DMD: variants seen among roughly 807,000 people sequenced by gnomAD.
DMD encodes the protein mutant dystrophin.
A neutral mutation model predicts 330.1 loss-of-function variants in DMD; 63 were observed. The ratio of observed to expected loss-of-function variants is 0.19; its 90% CI spans 0.16 to 0.24. DMD has a LOEUF of 0.24. Among genes scored for constraint, DMD ranks in the 10% least tolerant of loss-of-function variants. DMD has a pLI of 1.00. For synonymous variants in DMD, 1,223 were observed against 959.8 expected, an observed-to-expected ratio of 1.27 and a Z score of -5.07; for missense variants, 3,344 against 2,684.1, an observed-to-expected ratio of 1.25 and a Z score of -5.43.
chrX:33,275,831 T>G (rs1194814736), intron 1 of DMD, among the ~76,000 whole-genome samples: 3 of 111,926 alleles, frequency 2.7e-5, no homozygotes, highest in Non-Finnish European at 5.6e-5. Context: ...TGGGAAAGCA[T>G]ATGACATGTA....
chrX:33,008,233 C>A, intron 2 of DMD, among the ~76,000 whole-genome samples: 1 of 111,457 alleles, frequency 9.0e-6, no homozygotes, highest in Middle Eastern at 4.6e-3. Flanking sequence ...CTTTTAAAAA[C>A]CATACTCTGC....
In DMD at chrX:32,476,470, G is replaced by A. The variant is rs772343912; in HGVS notation, c.2804-4161C>T. On this transcript the variant is annotated intron_variant, in intron 21 of 78. Transcript: ENST00000357033. ...CTTCCAAAGATTGGTTTGGGAACTTGTCCATCTAATATAGTTTGTGAGGCA... is the reference window on the plus strand; with the variant it reads ...CTTCCAAAGATTGGTTTGGGAACTTATCCATCTAATATAGTTTGTGAGGCA... Among the ~76,000 whole-genome samples the A allele has an allele frequency of 1.1e-4, 12 of 111,007 alleles. No individual in the cohort carries two copies. In the South Asian group the frequency reaches 4.5e-3, roughly 41 times the overall value.
In DMD at chrX:33,242,969, T is replaced by C. The variant is rs909749730; in HGVS notation, c.7+96290A>G. 3.6e-5 allele frequency among the ~76,000 whole-genome samples: 4 copies of C among 111,806 alleles called. No individual in the cohort carries two copies. The Admixed American group carries it at 3.8e-4, about 11-fold the overall frequency. On this transcript the variant is annotated intron_variant, in intron 1 of 17. Transcript: ENST00000288447. The stretch of plus-strand genomic sequence containing the variant: ...GTTTGTTTCCTTCTTACTGATTTGT[T>C]TGTGTTCATTGTAGATTCTGGATAT...
intron 9 of DMD, among the ~76,000 whole-genome samples, chrX:32,665,822 G>A (rs1486538680): frequency 8.9e-6 from 1 of 111,788 alleles, no homozygotes; most frequent in Non-Finnish European, 1.9e-5. Context: ...TTTCATCAAC[G>A]TGTTTTCCCG....
rs1391098575 is a variant in DMD at position 31,366,490 on chromosome X, A to T, written c.9085-17856T>A. 1.5e-4 allele frequency among the ~76,000 whole-genome samples: 15 copies of T among 99,842 alleles called. No homozygotes were observed. The Admixed American group carries it at 1.5e-3, about 10-fold the overall frequency. The allele number at this position is 99,842 out of a possible 115,157, so 86.7% of individuals were successfully genotyped here. A position where few individuals can be genotyped will look rare whatever the true frequency, so the allele number is the denominator to read the frequency against. On this transcript the variant is annotated intron_variant, in intron 60 of 78. Transcript: ENST00000357033. ...TCTCTCAAAAAAAAAAAAAAAAAAAAAAAAAACATAAAAAAAAAAATAAAT... is the reference window on the plus strand; with the variant it reads ...TCTCTCAAAAAAAAAAAAAAAAAAATAAAAAACATAAAAAAAAAAATAAAT...
At chrX:31,267,610 TCTA>T (rs1184047172) in intron 62 of DMD, among the ~76,000 whole-genome samples, 1 of 112,809 alleles carries the variant, frequency 8.9e-6, no homozygotes, top group Non-Finnish European at 1.9e-5. Flanking sequence ...GTATGGACTC[TCTA>T]AATTAAGACA....
intron 57 of DMD, among the ~76,000 whole-genome samples, chrX:31,491,793 A>G (rs956278254): frequency 6.3e-4 from 71 of 112,133 alleles, no homozygotes; most frequent in African/African-American, 2.0e-3. Flanking sequence ...TATTGACTGT[A>G]TATTTTCTCT....
intron 48 of DMD, among the ~76,000 whole-genome samples, chrX:31,865,666 G>A (rs369256511): frequency 9.2e-6 from 1 of 108,915 alleles, no homozygotes; most frequent in Non-Finnish European, 1.9e-5. Flanking sequence ...ACCCACGAAA[G>A]CGTGGAAGCA....
At position 31,712,810 on chromosome X, in the gene DMD, A is replaced by G. The variant is rs745455540; in HGVS notation, c.7660+16821T>C. On this transcript the variant is annotated intron_variant, in intron 52 of 78. Coordinates refer to ENST00000357033, the MANE Select transcript of DMD (RefSeq NM_004006.3). ...TGTTCTGTTCTGTTCTTGGGTGAAA[A>G]TATGGGTAAGTTTCATGTCTTTTCT... 2.6e-4 allele frequency among the ~76,000 whole-genome samples: 29 copies of G among 111,711 alleles called. No homozygotes were observed. The East Asian group carries it at 7.3e-3, about 28-fold the overall frequency.
chrX:31,589,660 T>C (rs772956680), intron 55 of DMD, among the ~76,000 whole-genome samples: 74 of 111,842 alleles, frequency 6.6e-4, no homozygotes, highest in Non-Finnish European at 1.2e-3. Context: ...CATTTTGTTT[T>C]ACTTAGTCTC....
chrX:31,671,666 A>T (rs906218485), intron 53 of DMD, among the ~76,000 whole-genome samples: 8 of 111,981 alleles, frequency 7.1e-5, no homozygotes, highest in Non-Finnish European at 1.5e-4. Flanking sequence ...ATTTCTTGTT[A>T]TAGGTCTATC....
Position 32,936,681 on chromosome X carries a change from G to T in DMD, c.93+83458C>A, listed in dbSNP as rs1381605551. ...GCACATCCTCAGATAACTGGATAAA[G>T]GAAGATAATGTGGCACAGAGGAGTC... On this transcript the variant is annotated intron_variant, in intron 2 of 78. Coordinates refer to ENST00000357033, the MANE Select transcript of DMD (RefSeq NM_004006.3). 4.5e-5 allele frequency among the ~76,000 whole-genome samples: 5 copies of T among 111,859 alleles called. No homozygotes were observed. The East Asian group carries it at 1.1e-3, about 25-fold the overall frequency.
At chrX:31,266,159 CAAA>C (rs1174153877) in intron 62 of DMD, among the ~76,000 whole-genome samples, 60 of 13,317 alleles carry the variant, frequency 4.5e-3, no homozygotes, top group African/African-American at 0.022. Flanking sequence ...TCCCGAAGGG[CAAA>C]AAAAAAAAAA....
intron 30 of DMD, among the ~76,000 whole-genome samples, chrX:32,401,374 T>C (rs1183526491): frequency 8.9e-6 from 1 of 112,086 alleles, no homozygotes; most frequent in East Asian, 2.8e-4. Context: ...AATACAGTAC[T>C]ATTCAGCCAT....
chrX:32,495,358 A>G, intron 19 of DMD, among the ~76,000 whole-genome samples: 1 of 111,844 alleles, frequency 8.9e-6, no homozygotes, highest in Admixed American at 9.6e-5. Context: ...AGTGTACTCT[A>G]TATGAATATA....
chrX:33,152,020 G>T (rs1233485178), intron 1 of DMD, among the ~76,000 whole-genome samples: 293 of 111,525 alleles, frequency 2.6e-3, no homozygotes, highest in African/African-American at 9.1e-3. Context: ...TTTGAAAAAA[G>T]TAATCAAATA....
At chrX:33,328,410 C>T (rs183209382) in intron 1 of DMD, among the ~76,000 whole-genome samples, 15 of 110,443 alleles carry the variant, frequency 1.4e-4, no homozygotes, top group Non-Finnish European at 1.3e-4. Context: ...ATTGGCCAGG[C>T]TGGTCTCGAA....
At chrX:32,593,392 G>C (rs145133095) in intron 13 of DMD, among the ~76,000 whole-genome samples, 1 of 112,006 alleles carries the variant, frequency 8.9e-6, no homozygotes, top group Non-Finnish European at 1.9e-5. Context: ...TTTAACATTT[G>C]CTCATTTTTA....
At chrX:31,797,828 T>C (rs1330571253) in intron 50 of DMD, among the ~76,000 whole-genome samples, 1 of 111,142 alleles carries the variant, frequency 9.0e-6, no homozygotes, top group Non-Finnish European at 1.9e-5. Flanking sequence ...AAGGGACATA[T>C]AAAGTGAAAT....
Sources: gnomAD v4.1 joint callset for allele counts (sites outside exome capture counted in the v4.1 genomes callset) on GRCh38, gnomAD v4.1.1 for gene constraint, MANE v1.5 for transcripts, NCBI Gene and HGNC (gene_info 2026-07-23, HGNC 2026-07-21) for gene names.